Variants in PHACTR2 observed in about 807,000 individuals in gnomAD.
The protein encoded by PHACTR2 is chromosome 6 open reading frame 56.
PHACTR2 carries 30 observed loss-of-function variants against 76.0 expected under a neutral mutation model. That is an observed-to-expected ratio of 0.39 (90% CI 0.30 to 0.54). PHACTR2 has a LOEUF of 0.54. PHACTR2 is among the 20% of genes least tolerant of loss of function. PHACTR2 has a pLI of 0.61. For missense variants in PHACTR2, 696 were observed against 781.1 expected (o/e 0.89, Z 1.30); for synonymous variants, 292 against 292.5 (o/e 1.00, Z 0.02).
chr6:143,537,869 G>A lies in PHACTR2; in HGVS notation c.217+662G>A, dbSNP rs1781132784. ...GCCTGTAATTCCAGAGCTTTGGGAGGCCCAAGGCCGGCCGATCACTTGAGG... is the reference window on the plus strand; with the variant it reads ...GCCTGTAATTCCAGAGCTTTGGGAGACCCAAGGCCGGCCGATCACTTGAGG... On this transcript the variant is annotated intron_variant, in intron 1 of 11. Transcript: ENST00000367584. The surrounding 1 kb of genome is among the most constrained non-coding windows in gnomAD (Gnocchi z 4.4). 2.0e-5 allele frequency among the ~76,000 whole-genome samples: 3 copies of A among 152,178 alleles called. No homozygotes were observed. The highest frequency in any genetic ancestry group is 2.0e-4 in the Admixed American group (3 of 15,286).
intron 1 of PHACTR2, among the ~76,000 whole-genome samples, chr6:143,701,783 TA>T (rs1436364596): frequency 1.3e-5 from 2 of 152,224 alleles, no homozygotes; most frequent in African/African-American, 4.8e-5. Context: ...GCAGTATTGA[TA>T]AAGCACTTAG....
At chr6:143,798,502 G>T (rs1001923979) in intron 11 of PHACTR2, among the ~76,000 whole-genome samples, 2 of 152,108 alleles carry the variant, frequency 1.3e-5, no homozygotes, top group African/African-American at 4.8e-5. Flanking sequence ...TGCTTCCAGT[G>T]TTTGTCCATT....
chr6:143,715,121 G>A (rs906359595), intron 2 of PHACTR2, among the ~76,000 whole-genome samples: 5 of 151,894 alleles, frequency 3.3e-5, no homozygotes, highest in African/African-American at 7.3e-5. Flanking sequence ...TGTATTCACC[G>A]AGGTTACTCC....
rs1258432220 is a variant in PHACTR2 at position 143,647,001 on chromosome 6, G to C, written c.13+38679G>C. Among the ~76,000 whole-genome samples, 1 of 152,128 alleles carries C rather than the reference G, an allele frequency of 6.6e-6. No individual in the cohort carries two copies. The highest frequency in any genetic ancestry group is 1.5e-5 in the Non-Finnish European group (1 of 68,022). On this transcript the variant is annotated intron_variant, in intron 1 of 11. Transcript: ENST00000305766. The surrounding 1 kb of genome is among the most constrained non-coding windows in gnomAD (Gnocchi z 4.2). The stretch of plus-strand genomic sequence containing the variant: ...TAAAGAATTTTAAAATGTATTTTTA[G>C]CAAGGCTCTAAAGATTAAGTCTTCA...
rs115754427 is a variant in PHACTR2, at chr6:143,703,330, T to C, written c.47-8686T>C. On this transcript the variant is annotated intron_variant, in intron 1 of 12. Coordinates refer to ENST00000440869, the MANE Select transcript of PHACTR2 (RefSeq NM_001100164.2). ...ACTTTGGTCTGAATGTGATTGTGAG[T>C]GCAATATCATTTACATTCTGTCTGT... 5.2e-3 allele frequency among the ~76,000 whole-genome samples: 795 copies of C among 152,204 alleles called. 8 individuals carry two copies. The highest frequency in any genetic ancestry group is 0.018 in the African/African-American group (744 of 41,540).
Position 143,801,918 on chromosome 6 carries a change from T to C in PHACTR2, c.1846-5139T>C, listed in dbSNP as rs1775965451. On this transcript the variant is annotated intron_variant, in intron 11 of 12. Coordinates refer to ENST00000440869, the MANE Select transcript of PHACTR2 (RefSeq NM_001100164.2). This position sits in a 1 kb window ranked among gnomAD's most constrained non-coding sequence, Gnocchi z 4.6. ...TCCTTTTTGTTGATGTTGATACTAT[T>C]CCTTTCTGTTTGCTCATTTTCCTTC... 6.6e-6 allele frequency among the ~76,000 whole-genome samples: 1 copy of C among 152,204 alleles called. No homozygotes were observed. Among genetic ancestry groups the C allele is most frequent in the Non-Finnish European group, 1.5e-5 (1 of 68,054 alleles).
rs577822833 is a variant in PHACTR2 at position 143,547,269 on chromosome 6, A to C, written c.217+10062A>C. ...GTAGCTCTTTCTAAAAATCATGTCT[A>C]CATTTGAGTGACATAGATGTACTGT... On this transcript the variant is annotated intron_variant, in intron 1 of 11. Transcript: ENST00000367584. This position sits in a 1 kb window ranked among gnomAD's most constrained non-coding sequence, Gnocchi z 4.2. 6.6e-6 allele frequency among the ~76,000 whole-genome samples: 1 copy of C among 152,332 alleles called. No individual in the cohort carries two copies. The highest frequency in any genetic ancestry group is 2.4e-5 in the African/African-American group (1 of 41,584).
At chr6:143,704,022 A>G (rs1480369391) in intron 1 of PHACTR2, among the ~76,000 whole-genome samples, 1 of 151,704 alleles carries the variant, frequency 6.6e-6, no homozygotes, top group East Asian at 1.9e-4. Context: ...TCTTGGCATT[A>G]CTTTAAAAGG....
rs1462634311 is a variant in PHACTR2 at position 143,585,907 on chromosome 6, GGGA to G, written c.217+48701_217+48703del. ...CTGGGGCCGCTAGCACTTCATGGCA[GGGA>G]CACATTATTTTTCTTCTTTGAAACA... is the stretch of plus-strand genomic sequence containing the variant. On this transcript the variant is annotated intron_variant, in intron 1 of 11. Coordinates refer to the PHACTR2 transcript ENST00000367584. This position sits in a 1 kb window ranked among gnomAD's most constrained non-coding sequence, Gnocchi z 5.2. Among the ~76,000 whole-genome samples the G allele has an allele frequency of 1.3e-5, 2 of 152,196 alleles. No homozygotes were observed. Among genetic ancestry groups the G allele is most frequent in the Non-Finnish European group, 2.9e-5 (2 of 68,028 alleles).
In PHACTR2 at chr6:143,583,883, A is replaced by G. The variant is rs1239656020; in HGVS notation, c.217+46676A>G. 6.6e-6 allele frequency among the ~76,000 whole-genome samples: 1 copy of G among 152,232 alleles called. No individual in the cohort carries two copies. The highest frequency in any genetic ancestry group is 1.5e-5 in the Non-Finnish European group (1 of 68,040). ...AAAGGAGGACTTCCAGAATTCTGAGAGGTCTAGAGTGCTGGGACGGTGTCT... is the reference window on the plus strand; with the variant it reads ...AAAGGAGGACTTCCAGAATTCTGAGGGGTCTAGAGTGCTGGGACGGTGTCT... On this transcript the variant is annotated intron_variant, in intron 1 of 11. Transcript: ENST00000367584. The surrounding 1 kb of genome is among the most constrained non-coding windows in gnomAD (Gnocchi z 4.0).
At position 143,624,927 on chromosome 6, in the gene PHACTR2, G is replaced by A. The variant is rs535499211; in HGVS notation, c.13+16605G>A. 2.7e-4 allele frequency among the ~76,000 whole-genome samples: 41 copies of A among 152,194 alleles called. No homozygotes were observed. The highest frequency in any genetic ancestry group is 4.9e-4 in the Non-Finnish European group (33 of 68,000). ...TCCCAGTACTTTGGGAGGCCGAGGC[G>A]GGCGGATCATTTGAGGTCAGGAGTA... On this transcript the variant is annotated intron_variant, in intron 1 of 11. Transcript: ENST00000305766. This position sits in a 1 kb window ranked among gnomAD's most constrained non-coding sequence, Gnocchi z 4.6.
chr6:143,799,630 C>T (rs868139053), intron 11 of PHACTR2, among the ~76,000 whole-genome samples: 21 of 152,306 alleles, frequency 1.4e-4, no homozygotes, highest in African/African-American at 4.3e-4. Flanking sequence ...TTTCTGCCTT[C>T]ATTTCGTTAT....
Position 143,553,665 on chromosome 6 carries a change from C to T in PHACTR2, c.217+16458C>T, listed in dbSNP as rs1775124798. Among the ~76,000 whole-genome samples, 1 of 152,138 alleles carries T rather than the reference C, an allele frequency of 6.6e-6. No homozygotes were observed. Among genetic ancestry groups the T allele is most frequent in the Admixed American group, 6.5e-5 (1 of 15,274 alleles). On this transcript the variant is annotated intron_variant, in intron 1 of 11. Transcript: ENST00000367584. This position sits in a 1 kb window ranked among gnomAD's most constrained non-coding sequence, Gnocchi z 4.2. The stretch of plus-strand genomic sequence containing the variant: ...AACTGTATTCATGTTTTATTCGAGT[C>T]TCTATAGGCTGAGGTTGAGGCCTAG...
At chr6:143,669,939 A>T (rs990907765) in intron 1 of PHACTR2, among the ~76,000 whole-genome samples, 1 of 152,184 alleles carries the variant, frequency 6.6e-6, no homozygotes, top group Non-Finnish European at 1.5e-5. Context: ...CAGTTTGTTC[A>T]TAGTGTCGAT....
chr6:143,796,244 A>G (rs1775817478), intron 11 of PHACTR2, among the ~76,000 whole-genome samples: 1 of 152,184 alleles, frequency 6.6e-6, no homozygotes, highest in Non-Finnish European at 1.5e-5. Context: ...ATTGATGAGT[A>G]GTCCAGAAAT....
rs1020155333 is a variant in PHACTR2, at chr6:143,750,105, G to A, written c.295+1040G>A. Among the ~76,000 whole-genome samples, 3 of 152,148 alleles carry A rather than the reference G, an allele frequency of 2.0e-5. No individual in the cohort carries two copies. Among genetic ancestry groups the A allele is most frequent in the African/African-American group, 7.2e-5 (3 of 41,428 alleles). ...TTTCCAGCATCTGAATAATTCCAGA[G>A]TGGAGCTGAGAAATGCTTTCCTGTT... On this transcript the variant is annotated intron_variant, in intron 3 of 12. Transcript: ENST00000440869. This position sits in a 1 kb window ranked among gnomAD's most constrained non-coding sequence, Gnocchi z 4.6.
intron 2 of PHACTR2, among the ~76,000 whole-genome samples, chr6:143,735,660 A>G (rs551650040): frequency 3.1e-4 from 47 of 152,084 alleles, no homozygotes; most frequent in Middle Eastern, 6.8e-3. Context: ...AATGCAAAAC[A>G]TTATTGACAC....
At chr6:143,560,628 A>T (rs1216024575) in intron 1 of PHACTR2, among the ~76,000 whole-genome samples, 1 of 152,226 alleles carries the variant, frequency 6.6e-6, no homozygotes, top group Non-Finnish European at 1.5e-5. Flanking sequence ...TTACATTTCA[A>T]CATAATGTAA....
chr6:143,777,206 C>T lies in PHACTR2; in HGVS notation c.1590-122C>T, dbSNP rs150022380. On this transcript the variant is annotated intron_variant, in intron 8 of 12. Coordinates refer to ENST00000440869, the MANE Select transcript of PHACTR2 (RefSeq NM_001100164.2). The surrounding 1 kb of genome is among the most constrained non-coding windows in gnomAD (Gnocchi z 4.6). ...TAATGGGAAGGAGACTTTTATTTTG[C>T]AGCTTTAAAAATGGATTTTTATTTC... 4.7e-4 allele frequency: 265 copies of T among 567,710 alleles called. No homozygotes were observed. The highest frequency in any genetic ancestry group is 4.6e-3 in the African/African-American group (240 of 51,722). The allele number at this position is 567,710 out of a possible 1,614,324, so 35.2% of individuals were successfully genotyped here.
Sources: allele counts gnomAD v4.1 joint callset (sites outside exome capture counted in the v4.1 genomes callset), GRCh38; gene constraint gnomAD v4.1.1; non-coding constraint Gnocchi (gnomAD v3.1); transcripts MANE v1.5; gene names NCBI Gene and HGNC (gene_info 2026-07-23, HGNC 2026-07-21).